RAPGEF6: variants seen among roughly 807,000 people sequenced by gnomAD.
RAPGEF6 encodes PDZ domain containing guanine nucleotide exchange factor (GEF) 2.
In RAPGEF6, 56 loss-of-function variants were observed where a neutral mutation model predicts 171.4. The observed-to-expected ratio is 0.33, with a 90% CI of 0.26 to 0.41. The LOEUF (loss-of-function observed/expected upper bound fraction) is 0.41. Among genes scored for constraint, RAPGEF6 ranks in the 10% least tolerant of loss-of-function variants. The pLI, the probability that RAPGEF6 is intolerant of heterozygous loss-of-function variation, is 1.00. For missense variants in RAPGEF6, 1,674 were observed against 1,921.4 expected (o/e 0.87, Z 2.41); for synonymous variants, 692 against 650.1 (o/e 1.06, Z -0.98).
chr5:131,522,355 T>C (rs1179469453), intron 6 of RAPGEF6, among the ~76,000 whole-genome samples: 1 of 152,206 alleles, frequency 6.6e-6, no homozygotes, highest in Non-Finnish European at 1.5e-5. Flanking sequence ...AGAAGTATGC[T>C]AATTTATTTT....
intron 5 of RAPGEF6, among the ~76,000 whole-genome samples, chr5:131,551,511 CAAAAAAA>C (rs11305566): frequency 2.8e-5 from 3 of 108,882 alleles, no homozygotes; most frequent in East Asian, 2.8e-4. Context: ...GACTCCATCT[CAAAAAAA>C]AAAAAAAAAA....
intron 24 of RAPGEF6, among the ~76,000 whole-genome samples, chr5:131,436,955 A>G (rs1269518503): frequency 1.3e-5 from 2 of 152,152 alleles, no homozygotes; most frequent in Non-Finnish European, 2.9e-5. Flanking sequence ...TCCTCATGCA[A>G]AACATGAAGA....
chr5:131,616,957 A>G (rs528574692), intron 1 of RAPGEF6, among the ~76,000 whole-genome samples: 38 of 152,182 alleles, frequency 2.5e-4, no homozygotes, highest in Non-Finnish European at 3.2e-4. Context: ...ATTAACCAAG[A>G]TATTTTATTC....
At chr5:131,532,605 C>T (rs1362365957) in intron 6 of RAPGEF6, among the ~76,000 whole-genome samples, 2 of 151,998 alleles carry the variant, frequency 1.3e-5, no homozygotes, top group Non-Finnish European at 2.9e-5. Flanking sequence ...AGTGATTCTT[C>T]TGCATCAAAA....
chr5:131,440,173 CG>C, intron 23 of RAPGEF6: 1 of 454,734 alleles, frequency 2.2e-6, no homozygotes, highest in Non-Finnish European at 4.4e-6. Context: ...TGTGGGTATA[CG>C]GGAAGAGGCT....
rs777513963 is a variant in RAPGEF6 at position 131,519,458 on chromosome 5, G to A, written c.627+1932C>T. Among the ~76,000 whole-genome samples, 9 of 152,228 alleles carry A rather than the reference G, an allele frequency of 5.9e-5. 1 individual carries two copies. In the South Asian group the frequency reaches 1.9e-3, roughly 32 times the overall value. On this transcript the variant is annotated intron_variant, in intron 7 of 27. Transcript: ENST00000509018. ...GCTCTGTCGGCCAGGCTGGAGTGCA[G>A]TGGCATGCTCTTGGCTTGCTGCAAC...
Position 131,461,968 on chromosome 5 carries a change from C to T in RAPGEF6, c.2601G>A (p.Gln867=), listed in dbSNP as rs995846598. ...ACAAATCAAAGTCCCTCATTGACAG[C>T]TGGGTGGCCACCTCAATGGTACTGA... is the stretch of plus-strand genomic sequence containing the variant. ...LQLSTIEVAT[Q]LSMRDFDLFR... Residue 867 remains glutamine (Q), a synonymous_variant, in exon 19 of 28, where the codon CAG becomes CAA. Coordinates refer to ENST00000509018, the MANE Select transcript of RAPGEF6 (RefSeq NM_016340.6). The T allele has an allele frequency of 1.9e-6, 3 of 1,614,016 alleles. No homozygotes were observed.
In RAPGEF6 at chr5:131,504,861, A is replaced by G; in HGVS notation, c.1102-83T>C. 5 of 1,278,250 alleles carry G rather than the reference A, an allele frequency of 3.9e-6. No individual in the cohort carries two copies. The South Asian group carries it at 8.9e-5, about 23-fold the overall frequency. The allele number at this position is 1,278,250 out of a possible 1,614,324, so 79.2% of individuals were successfully genotyped here. A position where few individuals can be genotyped will look rare whatever the true frequency, so the allele number is the denominator to read the frequency against. ...ATGTACCAATGCAGAGCACAAAGGT[A>G]AGAAATCTAGCGGCATTAGTTCTTT... On this transcript the variant is annotated intron_variant, in intron 10 of 27. Transcript: ENST00000509018.
chr5:131,609,832 G>A (rs1448948841), intron 1 of RAPGEF6, among the ~76,000 whole-genome samples: 1 of 152,160 alleles, frequency 6.6e-6, no homozygotes, highest in Non-Finnish European at 1.5e-5. Flanking sequence ...TACCTCAGAG[G>A]TTCAGCCAGG....
In RAPGEF6 at chr5:131,429,342, T is replaced by A. The variant is rs542775532; in HGVS notation, c.4466-126A>T. 145 of 810,542 alleles carry A rather than the reference T, an allele frequency of 1.8e-4. 1 individual carries two copies. The South Asian group carries it at 2.8e-3, about 16-fold the overall frequency. The allele number at this position is 810,542 out of a possible 1,614,324, so 50.2% of individuals were successfully genotyped here. On this transcript the variant is annotated intron_variant, in intron 26 of 27. Coordinates refer to ENST00000509018, the MANE Select transcript of RAPGEF6 (RefSeq NM_016340.6). ...AATAGACAAAATGAATAAACTTGAA[T>A]GATGGCAGATCAAAAACATTTTTTA...
chr5:131,607,922 T>A (rs756011971), intron 1 of RAPGEF6, among the ~76,000 whole-genome samples: 3 of 152,122 alleles, frequency 2.0e-5, no homozygotes, highest in Non-Finnish European at 4.4e-5. Flanking sequence ...AAGACAAATA[T>A]ATAAAACGTT....
At chr5:131,604,835 TA>T in intron 1 of RAPGEF6, 142 bp from the exon 2 acceptor site, 2 of 1,107,020 alleles carry the variant, frequency 1.8e-6, no homozygotes, top group Non-Finnish European at 1.2e-6. Flanking sequence ...CTCTGAATCA[TA>T]AAAGATTTGA....
intron 3 of RAPGEF6, among the ~76,000 whole-genome samples, chr5:131,594,668 G>A (rs530865327): frequency 4.6e-5 from 7 of 152,334 alleles, no homozygotes; most frequent in Non-Finnish European, 7.3e-5. Context: ...CACAGGGGCT[G>A]TACCCTGCAG....
At chr5:131,523,359 C>G (rs1452243876) in intron 6 of RAPGEF6, among the ~76,000 whole-genome samples, 1 of 137,070 alleles carries the variant, frequency 7.3e-6, no homozygotes, top group Non-Finnish European at 1.5e-5. Context: ...GCTCACAGGT[C>G]ATATAGCTCA....
intron 24 of RAPGEF6, among the ~76,000 whole-genome samples, chr5:131,437,820 C>T (rs961429535): frequency 2.0e-5 from 3 of 152,138 alleles, no homozygotes; most frequent in Non-Finnish European, 2.9e-5. Flanking sequence ...GAGGTGGCCG[C>T]AGAGAAAGAA....
At chr5:131,630,002 C>T (rs1766198678) in intron 1 of RAPGEF6, among the ~76,000 whole-genome samples, 1 of 152,174 alleles carries the variant, frequency 6.6e-6, no homozygotes, top group South Asian at 2.1e-4. Context: ...AAAGCAGCAG[C>T]AGAATTTGGG....
intron 23 of RAPGEF6, among the ~76,000 whole-genome samples, chr5:131,441,973 C>CA (rs1275789888): frequency 6.6e-6 from 1 of 152,046 alleles, no homozygotes; most frequent in Admixed American, 6.6e-5. Flanking sequence ...TCTTTAAAGA[C>CA]AAAAAACAAC....
chr5:131,565,193 T>C (rs1258307867), intron 4 of RAPGEF6, among the ~76,000 whole-genome samples: 1 of 152,102 alleles, frequency 6.6e-6, no homozygotes, highest in African/African-American at 2.4e-5. Flanking sequence ...CAAGATTGAA[T>C]AATAAAAGCG....
intron 4 of RAPGEF6, among the ~76,000 whole-genome samples, chr5:131,573,733 T>C (rs763279970): frequency 7.9e-5 from 12 of 152,062 alleles, no homozygotes; most frequent in Non-Finnish European, 1.8e-4. Flanking sequence ...TTGTTAATTA[T>C]GACAGGCTAA....
Sources: gnomAD v4.1 joint callset for allele counts (sites outside exome capture counted in the v4.1 genomes callset) on GRCh38, gnomAD v4.1.1 for gene constraint, MANE v1.5 for transcripts, NCBI Gene and HGNC (gene_info 2026-07-23, HGNC 2026-07-21) for gene names.